The following REPS1 variants were observed in gnomAD, a reference collection of about 807,000 sequenced individuals.
REPS1 encodes RALBP1 associated Eps domain containing 1.
A neutral mutation model predicts 100.9 loss-of-function variants in REPS1; 39 were observed. The observed-to-expected ratio is 0.39, with a 90% confidence interval of 0.30 to 0.50. The LOEUF is 0.50. Ranked by LOEUF, REPS1 falls within the 20% of genes least tolerant of loss-of-function variation. The pLI is 0.86. For missense variants in REPS1, 821 were observed against 968.5 expected (o/e 0.85, Z 2.02); for synonymous variants, 324 against 340.3 (o/e 0.95, Z 0.53).
At chr6:138,974,920 G>A (rs1300191121) in intron 1 of REPS1, among the ~76,000 whole-genome samples, 2 of 151,764 alleles carry the variant, frequency 1.3e-5, no homozygotes, top group Non-Finnish European at 2.9e-5. Flanking sequence ...AGCCTGGGAG[G>A]TTGAGGCTGC....
intron 1 of REPS1, among the ~76,000 whole-genome samples, chr6:138,965,726 G>C (rs1378412102): frequency 1.3e-5 from 2 of 152,104 alleles, no homozygotes; most frequent in African/African-American, 4.8e-5. Flanking sequence ...AAGTGTGTAA[G>C]GTGACATGGA....
At position 138,967,104 on chromosome 6, in the gene REPS1, G is replaced by A. The variant is rs976271455; in HGVS notation, c.154-19191C>T. ...TTCATTATGAAAGGCAATTGGGCCC[G>A]CTCCTGCGCATGCAATTGTGCTCTC... On this transcript the variant is annotated intron_variant, in intron 1 of 19. Coordinates refer to ENST00000450536, the MANE Select transcript of REPS1 (RefSeq NM_001286611.2). 8.5e-5 allele frequency among the ~76,000 whole-genome samples: 13 copies of A among 152,360 alleles called. 1 individual carries two copies. The Middle Eastern group carries it at 0.01, about 120-fold the overall frequency.
chr6:138,951,620 T>C (rs1005183283), intron 1 of REPS1, among the ~76,000 whole-genome samples: 8 of 152,204 alleles, frequency 5.3e-5, no homozygotes, highest in African/African-American at 1.9e-4. Flanking sequence ...CAAACTACTT[T>C]TTTCTCTCTG....
At chr6:138,954,954 C>T (rs909246787) in intron 1 of REPS1, among the ~76,000 whole-genome samples, 1 of 152,164 alleles carries the variant, frequency 6.6e-6, no homozygotes, top group African/African-American at 2.4e-5. Flanking sequence ...AGATTTTTCT[C>T]TATCCGCATA....
Position 138,907,490 on chromosome 6 carries a change from A to C in REPS1, c.2322+5T>G. ...AACATTATAAAGATTCAGAAACTAT[A>C]TTACCTTTAATTGTTGCTGCAATTC... On this transcript the variant is annotated splice_donor_5th_base_variant and intron_variant, in intron 19 of 19. Coordinates refer to ENST00000450536, the MANE Select transcript of REPS1 (RefSeq NM_001286611.2). The C allele has an allele frequency of 6.3e-7, 1 of 1,596,250 alleles. No homozygotes were observed. Among genetic ancestry groups the C allele is most frequent in the Non-Finnish European group, 8.6e-7 (1 of 1,164,136 alleles).
At chr6:138,972,018 C>T (rs1338396728) in intron 1 of REPS1, among the ~76,000 whole-genome samples, 1 of 152,184 alleles carries the variant, frequency 6.6e-6, no homozygotes, top group Non-Finnish European at 1.5e-5. Context: ...TCACAACTTG[C>T]TCACAATATT....
At chr6:138,980,574 G>C (rs1784885803) in intron 1 of REPS1, among the ~76,000 whole-genome samples, 1 of 151,498 alleles carries the variant, frequency 6.6e-6, no homozygotes, top group Middle Eastern at 3.2e-3. Flanking sequence ...ATCCTCTAAG[G>C]GGCCTTCCCT....
At chr6:138,912,573 C>A (rs1050130624) in intron 16 of REPS1, 192 bp downstream of exon 16, 7 of 604,778 alleles carry the variant, frequency 1.2e-5, no homozygotes, top group Non-Finnish European at 1.5e-5. Flanking sequence ...TCCCCCACCC[C>A]CACCAGACTC....
intron 19 of REPS1, among the ~76,000 whole-genome samples, chr6:138,905,524 C>T (rs1462612806): frequency 6.6e-6 from 1 of 151,162 alleles, no homozygotes; most frequent in Admixed American, 6.6e-5. Flanking sequence ...ATCTCCTGAC[C>T]TCATGATCCA....
rs796511673 is a variant in REPS1 at position 138,971,472 on chromosome 6, G to T, written c.153+16058C>A. Among the ~76,000 whole-genome samples the T allele has an allele frequency of 6.1e-5, 9 of 148,344 alleles. No homozygotes were observed. The South Asian group carries it at 1.7e-3, about 28-fold the overall frequency. On this transcript the variant is annotated intron_variant, in intron 1 of 19. Transcript: ENST00000450536. ...GAAGTTTTGCCTCATTATATTTTAT[G>T]AAAAAAAAAAGTATACGCTATAGTG...
intron 15 of REPS1, 45 bp from the exon 16 acceptor site, chr6:138,912,995 A>G (rs1216136505): frequency 2.6e-6 from 4 of 1,510,996 alleles, no homozygotes; most frequent in Non-Finnish European, 2.7e-6. Flanking sequence ...CTATCAGCCT[A>G]TCAGTGTCAC....
rs1477586199 is a variant in REPS1 at position 138,947,039 on chromosome 6, T to TCTCTCTCTCTTG, written c.277+750_277+751insCAAGAGAGAGAG. 4.9e-3 allele frequency among the ~76,000 whole-genome samples: 110 copies of TCTCTCTCTCTTG among 22,416 alleles called. 1 individual carries two copies. Among genetic ancestry groups the TCTCTCTCTCTTG allele is most frequent in the African/African-American group, 0.014 (101 of 7,154 alleles). 14.7% of individuals were successfully genotyped at this position (22,416 alleles called of 152,430 possible). ...TGTCTGTGGCTATTCCCCCTTGCTC[T>TCTCTCTCTCTTG]CTCTCTCTCTCTCTCTCTCTCTCTC... On this transcript the variant is annotated intron_variant, in intron 2 of 19. Transcript: ENST00000450536.
intron 4 of REPS1, 39 bp downstream of exon 4, chr6:138,945,180 G>T: frequency 1.3e-6 from 2 of 1,539,964 alleles, no homozygotes; most frequent in Non-Finnish European, 1.8e-6. Flanking sequence ...ACCAGCCTGG[G>T]CAACACAATG....
intron 19 of REPS1, 48 bp from the exon 20 acceptor site, chr6:138,905,180 G>A: frequency 8.3e-7 from 1 of 1,207,690 alleles, no homozygotes; most frequent in Non-Finnish European, 1.2e-6. Context: ...ATATAAAAAT[G>A]AAGAAATATC....
At chr6:138,911,097 A>G (rs1211695932) in intron 17 of REPS1, 179 bp downstream of exon 17, 5 of 533,462 alleles carry the variant, frequency 9.4e-6, no homozygotes, top group African/African-American at 5.7e-5. Context: ...CATACTTAAC[A>G]TAGATTACAG....
intron 10 of REPS1, among the ~76,000 whole-genome samples, chr6:138,921,655 C>T (rs1222210111): frequency 2.9e-5 from 4 of 136,406 alleles, no homozygotes; most frequent in Admixed American, 8.3e-5. Context: ...TGGCTCACTG[C>T]AACCTTCCGC....
At chr6:138,974,263 A>G (rs1784483198) in intron 1 of REPS1, among the ~76,000 whole-genome samples, 1 of 152,194 alleles carries the variant, frequency 6.6e-6, no homozygotes, top group South Asian at 2.1e-4. Context: ...ACCTTCAAGA[A>G]TCTATCAATT....
At chr6:138,911,088 A>G (rs1482789516) in intron 17 of REPS1, 188 bp downstream of exon 17, 3 of 499,508 alleles carry the variant, frequency 6.0e-6, no homozygotes, top group African/African-American at 1.9e-5. Flanking sequence ...CCTGTGACAC[A>G]TACTTAACAT....
At chr6:138,957,745 G>GA (rs1253539789) in intron 1 of REPS1, among the ~76,000 whole-genome samples, 1 of 152,030 alleles carries the variant, frequency 6.6e-6, no homozygotes, top group East Asian at 1.9e-4. Flanking sequence ...CAAACTGTGA[G>GA]AAAAAACAAA....
Sources: gnomAD v4.1 joint callset for allele counts (sites outside exome capture counted in the v4.1 genomes callset) on GRCh38, gnomAD v4.1.1 for gene constraint, MANE v1.5 for transcripts, NCBI Gene and HGNC (gene_info 2026-07-23, HGNC 2026-07-21) for gene names.